The following SLC24A4 variants were observed in gnomAD, a reference collection of about 807,000 sequenced individuals.
SLC24A4 encodes sodium/potassium/calcium exchanger 4.
SLC24A4 carries 53 observed loss-of-function variants against 79.0 expected under a neutral mutation model. The observed-to-expected ratio is 0.67, with a 90% confidence interval of 0.54 to 0.84. The LOEUF is 0.84. Among genes scored for constraint, SLC24A4 ranks in the 40% least tolerant of loss-of-function variants. The pLI is 0.00. For synonymous variants in SLC24A4, 323 were observed against 323.8 expected (o/e 1.00, Z 0.03); for missense variants, 731 against 822.0 (o/e 0.89, Z 1.35).
intron 2 of SLC24A4, among the ~76,000 whole-genome samples, chr14:92,403,773 A>G (rs1890233419): frequency 2.0e-5 from 3 of 151,994 alleles, no homozygotes; most frequent in Admixed American, 2.0e-4. Flanking sequence ...TTTCTTGTAC[A>G]TCTTTCTAAT....
intron 10 of SLC24A4, chr14:92,453,220 G>T (rs754762476): frequency 6.6e-6 from 1 of 152,200 alleles, no homozygotes; most frequent in East Asian, 1.9e-4. Flanking sequence ...GGGTGTCAGG[G>T]TTTATAGTCA....
rs111589335 is a variant in SLC24A4, at chr14:92,324,000, G to C, written c.130+40G>C. On this transcript the variant is annotated intron_variant, in intron 1 of 16. Coordinates refer to ENST00000532405, the MANE Select transcript of SLC24A4 (RefSeq NM_153646.4). The surrounding 1 kb of genome is among the most constrained non-coding windows in gnomAD (Gnocchi z 4.9). Reference sequence around the variant, plus strand: ...GGGTCCCCTCTTCCTGGGGAGTTGGGGGCTTTGGCTGGGGAGTCTCGGGGC... The same window carrying C: ...GGGTCCCCTCTTCCTGGGGAGTTGGCGGCTTTGGCTGGGGAGTCTCGGGGC... 9.0e-4 allele frequency: 1,428 copies of C among 1,595,100 alleles called. 17 individuals are homozygous for C. In the African/African-American group the frequency reaches 0.018, roughly 20 times the overall value.
rs45587635 is a variant in SLC24A4, at chr14:92,492,178, A to C, written c.1654A>C (p.Lys552Gln). 0.052 allele frequency: 84,225 copies of C among 1,613,724 alleles called. 2,986 individuals carry two copies. Among genetic ancestry groups the C allele is most frequent in the East Asian group, 0.21 (9,286 of 44,850 alleles). Residue 552 changes from lysine to glutamine, a missense_variant, in exon 16 of 17, where the codon AAG becomes CAG. Transcript: ENST00000532405. ...TMVVNYGSTV[K>Q]INSRGLVYSV... ...GCACGTGTGTTTGATTTTCCAGGTG[A>C]AGATCAACAGCCGGGGGCTGGTCTA... is the stretch of plus-strand genomic sequence containing the variant.
intron 10 of SLC24A4, chr14:92,450,385 GTC>G (rs10594259): frequency 0.39 from 59,241 of 152,082 alleles, 11,846 homozygotes; most frequent in South Asian, 0.46. Flanking sequence ...AGAGGGAGGA[GTC>G]TCTCCGTATA....
intron 2 of SLC24A4, among the ~76,000 whole-genome samples, chr14:92,412,727 C>T (rs1258159710): frequency 6.6e-6 from 1 of 152,120 alleles, no homozygotes; most frequent in Non-Finnish European, 1.5e-5. Context: ...TTCCATGTTA[C>T]TTCAACAGCT....
At chr14:92,393,632 C>T (rs1889612742) in intron 2 of SLC24A4, among the ~76,000 whole-genome samples, 1 of 148,918 alleles carries the variant, frequency 6.7e-6, no homozygotes, top group Non-Finnish European at 1.5e-5. Flanking sequence ...CAGCCTCAAT[C>T]TCCCAGACTC....
At chr14:92,438,020 T>A (rs964903809) in intron 3 of SLC24A4, among the ~76,000 whole-genome samples, 2 of 152,154 alleles carry the variant, frequency 1.3e-5, no homozygotes, top group Non-Finnish European at 2.9e-5. Context: ...TTTCCCCACA[T>A]GCCAAGAATT....
In SLC24A4 at chr14:92,410,121, A is replaced by G. The variant is rs2402136; in HGVS notation, c.242-23791A>G. ...GGGTGATGAAATAGTCTGTACAACA[A>G]ATCCCTGTGACGCAAGTTTACCTGT... On this transcript the variant is annotated intron_variant, in intron 2 of 16. Transcript: ENST00000532405. Among the ~76,000 whole-genome samples the G allele has an allele frequency of 2.0e-5, 3 of 152,224 alleles. 1 individual carries two copies. The highest frequency in any genetic ancestry group is 2.4e-5 in the African/African-American group (1 of 41,490).
intron 4 of SLC24A4, 72 bp from the exon 5 acceptor site, chr14:92,442,017 G>A: frequency 1.6e-6 from 2 of 1,239,370 alleles, no homozygotes; most frequent in Non-Finnish European, 2.4e-6. Flanking sequence ...ATGCTCCTTG[G>A]CTGTAGAGCG....
At chr14:92,331,383 A>G (rs965633171) in intron 2 of SLC24A4, among the ~76,000 whole-genome samples, 1 of 152,216 alleles carries the variant, frequency 6.6e-6, no homozygotes, top group African/African-American at 2.4e-5. Context: ...TTCCAGGCTC[A>G]AGCCATCGCC....
chr14:92,478,687 G>T (rs113655903), intron 12 of SLC24A4, among the ~76,000 whole-genome samples: 1,837 of 151,620 alleles, frequency 0.012, 66 homozygotes, highest in Admixed American at 0.077. Flanking sequence ...GCTATTTGGG[G>T]GTTCCTTATA....
chr14:92,470,768 C>T (rs1894400131), intron 12 of SLC24A4, among the ~76,000 whole-genome samples: 1 of 152,192 alleles, frequency 6.6e-6, no homozygotes, highest in Non-Finnish European at 1.5e-5. Context: ...ATCACCTCTG[C>T]AGCCCCCAAA....
At chr14:92,488,201 A>T (rs1895485923) in intron 14 of SLC24A4, among the ~76,000 whole-genome samples, 1 of 151,576 alleles carries the variant, frequency 6.6e-6, no homozygotes, top group Admixed American at 6.6e-5. Flanking sequence ...CCTTCCGAGT[A>T]GCCAGGACTA....
chr14:92,408,489 G>A (rs1268129843), intron 2 of SLC24A4: 42 of 941,088 alleles, frequency 4.5e-5, no homozygotes, highest in Non-Finnish European at 4.9e-5. Flanking sequence ...TTTTAATGAT[G>A]GCTGTGAGGA....
In SLC24A4 at chr14:92,472,471, C is replaced by T. The variant is rs527461220; in HGVS notation, c.1256-10209C>T. 3.4e-3 allele frequency among the ~76,000 whole-genome samples: 525 copies of T among 152,300 alleles called. 4 individuals carry two copies. Among genetic ancestry groups the T allele is most frequent in the African/African-American group, 0.012 (500 of 41,556 alleles). On this transcript the variant is annotated intron_variant, in intron 12 of 16. Transcript: ENST00000532405. ...ATGCCTTTGGATCCTCATAGCTTAG[C>T]TCCCACTTATGAGTGAGAACATACG...
intron 2 of SLC24A4, among the ~76,000 whole-genome samples, chr14:92,328,872 C>G (rs906768968): frequency 5.3e-5 from 8 of 152,254 alleles, no homozygotes; most frequent in African/African-American, 1.9e-4. Context: ...ACCACCAGAA[C>G]TCTACCTGGG....
At chr14:92,352,062 C>T (rs1428496709) in intron 2 of SLC24A4, among the ~76,000 whole-genome samples, 1 of 152,000 alleles carries the variant, frequency 6.6e-6, no homozygotes, top group Non-Finnish European at 1.5e-5. Flanking sequence ...AAGGGAACTC[C>T]CATTTGAGCC....
chr14:92,482,853 G>T lies in SLC24A4; in HGVS notation c.1422+7G>T, dbSNP rs746623712. 35 of 1,603,506 alleles carry T rather than the reference G, an allele frequency of 2.2e-5. No individual in the cohort carries two copies. Among genetic ancestry groups the T allele is most frequent in the African/African-American group, 8.0e-5 (6 of 74,780 alleles). ...CTACATCATGGTGTGGCTGGTGAGT[G>T]GGGGGAGCAGGGGGTGGACTGTGTG... On this transcript the variant is annotated splice_region_variant and intron_variant, in intron 13 of 16. Transcript: ENST00000532405.
chr14:92,461,139 G>A (rs777274465), intron 12 of SLC24A4, among the ~76,000 whole-genome samples: 7 of 152,196 alleles, frequency 4.6e-5, no homozygotes, highest in Non-Finnish European at 7.3e-5. Context: ...TTGTTGTGGC[G>A]CATAGTCTGG....
Sources: allele counts gnomAD v4.1 joint callset (sites outside exome capture counted in the v4.1 genomes callset), GRCh38; gene constraint gnomAD v4.1.1; non-coding constraint Gnocchi (gnomAD v3.1); transcripts MANE v1.5; gene names NCBI Gene and HGNC (gene_info 2026-07-23, HGNC 2026-07-21).